ABHD12: variants seen among roughly 807,000 people sequenced by gnomAD.
ABHD12 encodes lysophosphatidylserine lipase ABHD12.
In ABHD12, 43 loss-of-function variants were observed where a neutral mutation model predicts 58.3. That is an observed-to-expected ratio of 0.74 (90% confidence interval 0.58 to 0.95). ABHD12 has a LOEUF of 0.95. Among genes scored for constraint, ABHD12 ranks in the 40% least tolerant of loss-of-function variants. The pLI, the probability that ABHD12 is intolerant of heterozygous loss-of-function variation, is 0.00. For synonymous variants in ABHD12, 219 were observed against 211.2 expected (o/e 1.04, Z -0.32); for missense variants, 539 against 537.2 (o/e 1.00, Z -0.03).
intron 1 of ABHD12, among the ~76,000 whole-genome samples, chr20:25,346,675 T>G (rs2089522830): frequency 6.6e-6 from 1 of 152,202 alleles, no homozygotes; most frequent in Non-Finnish European, 1.5e-5. Flanking sequence ...GACGGAGCCT[T>G]GCTCTGTCGC....
At chr20:25,340,532 T>C (rs2089441444) in intron 1 of ABHD12, among the ~76,000 whole-genome samples, 1 of 152,240 alleles carries the variant, frequency 6.6e-6, no homozygotes, top group South Asian at 2.1e-4. Flanking sequence ...CTGACCTTAC[T>C]GACCCTCTGC....
chr20:25,389,484 G>T (rs193047195), intron 1 of ABHD12, among the ~76,000 whole-genome samples: 3 of 152,056 alleles, frequency 2.0e-5, no homozygotes, highest in African/African-American at 7.2e-5. Flanking sequence ...CTGCTACAAC[G>T]CCTGAGATCA....
Position 25,303,628 on chromosome 20 carries a change from G to A in ABHD12, c.951C>T (p.Asn317=), listed in dbSNP as rs774893105. The change falls in exon 11 of 13, where the codon AAC becomes AAT. Residue 317 remains asparagine (N), a splice_region_variant and synonymous_variant. Transcript: ENST00000339157. ...GCAGGGGACAGGAGATGTGCTTCAC[G>A]CTGTAGGAGGGAGAAGGGGCTAGAC... The part of the protein sequence containing the change: ...SSGIKFANDE[N]VKHISCPLLI... The A allele has an allele frequency of 7.4e-6, 12 of 1,613,482 alleles. No homozygotes were observed. Among genetic ancestry groups the A allele is most frequent in the Admixed American group, 5.0e-5 (3 of 59,996 alleles).
chr20:25,345,328 G>A (rs1287990141), intron 1 of ABHD12, among the ~76,000 whole-genome samples: 4 of 152,016 alleles, frequency 2.6e-5, no homozygotes, highest in Admixed American at 6.6e-5. Context: ...CTCATGATCC[G>A]CCCACCTCAG....
chr20:25,375,174 G>A (rs1311024022), intron 1 of ABHD12, among the ~76,000 whole-genome samples: 4 of 152,176 alleles, frequency 2.6e-5, no homozygotes, highest in African/African-American at 9.7e-5. Context: ...GGGGCCTCAT[G>A]AGAAACCAGC....
chr20:25,294,878 C>A, exon 13 of ABHD12: 1 of 1,416,602 alleles, frequency 7.1e-7, no homozygotes, highest in Non-Finnish European at 1.0e-6. Flanking sequence ...CCGGCGAGGG[C>A]TGGGAATTCA....
intron 5 of ABHD12, 147 bp from the exon 6 acceptor site, chr20:25,315,117 TCCTG>T: frequency 1.2e-6 from 1 of 864,178 alleles, no homozygotes; most frequent in South Asian, 1.4e-5. Context: ...GCTGCCTGAC[TCCTG>T]GCTGGGTTTT....
At chr20:25,329,144 G>A (rs950130820) in intron 2 of ABHD12, among the ~76,000 whole-genome samples, 1 of 152,160 alleles carries the variant, frequency 6.6e-6, no homozygotes, top group Non-Finnish European at 1.5e-5. Flanking sequence ...TGTGGCCCCC[G>A]TGACTCCAGC....
At chr20:25,381,294 T>A (rs2090018661) in intron 1 of ABHD12, among the ~76,000 whole-genome samples, 1 of 152,178 alleles carries the variant, frequency 6.6e-6, no homozygotes, top group Non-Finnish European at 1.5e-5. Flanking sequence ...TCCTCCTTAG[T>A]GCCCTAAGCA....
chr20:25,328,734 T>C (rs2089217470), intron 2 of ABHD12, among the ~76,000 whole-genome samples: 1 of 152,098 alleles, frequency 6.6e-6, no homozygotes. Flanking sequence ...AAGCCAGTCT[T>C]CCAGTTCACT....
chr20:25,362,094 G>T (rs913841433), intron 1 of ABHD12, among the ~76,000 whole-genome samples: 2 of 151,596 alleles, frequency 1.3e-5, no homozygotes, highest in Non-Finnish European at 2.9e-5. Flanking sequence ...GGCCAACATG[G>T]TGAAAACCCG....
At chr20:25,299,894 G>A (rs374113121), downstream of ABHD12, among the ~76,000 whole-genome samples, 114 of 152,304 alleles carry the variant, frequency 7.5e-4, no homozygotes, top group African/African-American at 2.3e-3. Flanking sequence ...GCTCCCCTGC[G>A]TAGGAAAAGT....
chr20:25,314,932 G>A lies in ABHD12; in HGVS notation c.612C>T (p.Asp204=). 1 of 1,614,164 alleles carries A rather than the reference G, an allele frequency of 6.2e-7. No individual in the cohort carries two copies. The highest frequency in any genetic ancestry group is 1.1e-5 in the South Asian group (1 of 91,082). ...SSLGYHVVTF[D]YRGWGDSVGT... ...TTGCAAAAGAAATCTCACCTCTGTA[G>A]TCAAAGGTGACCACATGGTAACCAA... The change falls in exon 6 of 13, where the codon GAC becomes GAT. Residue 204 remains aspartate, a synonymous_variant. Coordinates refer to ENST00000339157, the MANE Select transcript of ABHD12 (RefSeq NM_001042472.3).
chr20:25,308,339 C>T, intron 8 of ABHD12, 118 bp downstream of exon 8: 1 of 1,340,098 alleles, frequency 7.5e-7, no homozygotes, highest in Non-Finnish European at 1.0e-6. Context: ...AGCCCCGGGC[C>T]CCCCAGAATG....
At position 25,300,615 on chromosome 20, in the gene ABHD12, G is replaced by A. The variant is rs1226661297; in HGVS notation, c.*230C>T. 6.9e-7 allele frequency: 1 copy of A among 1,445,988 alleles called. No individual in the cohort carries two copies. 89.6% of individuals were successfully genotyped at this position (1,445,988 alleles called of 1,614,324 possible). ...AGATCTCAGGTTGAGGGGCGGCAAGGAGAGCCACATGCCTGCCACCCACGC... is the reference window on the plus strand; with the variant it reads ...AGATCTCAGGTTGAGGGGCGGCAAGAAGAGCCACATGCCTGCCACCCACGC... On this transcript the variant is annotated 3_prime_UTR_variant, in exon 13 of 13. Transcript: ENST00000339157.
intron 2 of ABHD12, among the ~76,000 whole-genome samples, chr20:25,326,161 G>A (rs1242890229): frequency 4.7e-5 from 7 of 148,448 alleles, no homozygotes; most frequent in Admixed American, 4.0e-4. Flanking sequence ...GAGAGAGGAA[G>A]GAAGGAAGGG....
At chr20:25,309,425 C>T (rs1325549334) in intron 7 of ABHD12, 21 bp downstream of exon 7, 1 of 1,613,872 alleles carries the variant, frequency 6.2e-7, no homozygotes. Context: ...CTAAAGGCTG[C>T]CTCCTGCTGG....
chr20:25,346,105 G>T (rs994306568), intron 1 of ABHD12, among the ~76,000 whole-genome samples: 4 of 152,038 alleles, frequency 2.6e-5, no homozygotes, highest in Non-Finnish European at 5.9e-5. Flanking sequence ...TGGTACATCC[G>T]GACAATGGAA....
chr20:25,385,869 CAG>C (rs965068068), intron 1 of ABHD12, among the ~76,000 whole-genome samples: 2 of 152,102 alleles, frequency 1.3e-5, no homozygotes, highest in African/African-American at 4.8e-5. Context: ...GAGTCCAAGG[CAG>C]GCGGATCACG....
Sources: gnomAD v4.1 joint callset for allele counts (sites outside exome capture counted in the v4.1 genomes callset) on GRCh38, gnomAD v4.1.1 for gene constraint, MANE v1.5 for transcripts, NCBI Gene and HGNC (gene_info 2026-07-23, HGNC 2026-07-21) for gene names.